The following SRRM3 variants were observed in gnomAD, a reference collection of about 807,000 sequenced individuals.
The protein encoded by SRRM3 is serine/arginine repetitive matrix protein 3.
SRRM3 carries 27 observed loss-of-function variants against 66.2 expected under a neutral mutation model. That is an observed-to-expected ratio of 0.41 (90% CI 0.30 to 0.56). SRRM3 has a LOEUF of 0.56. SRRM3 is among the 20% of genes least tolerant of loss of function. SRRM3 has a pLI of 0.32. For synonymous variants in SRRM3, 391 were observed against 414.9 expected, an observed-to-expected ratio of 0.94 and a Z score of 0.70; for missense variants, 918 against 991.9, an observed-to-expected ratio of 0.93 and a Z score of 1.00.
chr7:76,268,127 C>T (rs1454121107), intron 11 of SRRM3: 1 of 151,938 alleles, frequency 6.6e-6, no homozygotes, highest in Non-Finnish European at 1.5e-5. Flanking sequence ...TCAGAGACCC[C>T]ACACCAACAC....
At chr7:76,275,895 C>CT (rs1554611060) in intron 11 of SRRM3, among the ~76,000 whole-genome samples, 98 of 152,048 alleles carry the variant, frequency 6.4e-4, no homozygotes, top group African/African-American at 2.3e-3. Context: ...AGCAACACAG[C>CT]AAGACCCCAT....
At chr7:76,267,512 G>T (rs1053318078) in intron 11 of SRRM3, 77 bp downstream of exon 11, 83 of 1,024,918 alleles carry the variant, frequency 8.1e-5, no homozygotes, top group Non-Finnish European at 1.0e-4. Context: ...CGCCAGCGGG[G>T]CAGGGGGCGA....
At chr7:76,238,239 G>A (rs558174755) in intron 2 of SRRM3, among the ~76,000 whole-genome samples, 33 of 152,272 alleles carry the variant, frequency 2.2e-4, no homozygotes, top group Non-Finnish European at 3.8e-4. Flanking sequence ...AGAGTCCTCC[G>A]TTGAAGACAC....
At chr7:76,216,295 C>T (rs1800569304) in intron 1 of SRRM3, among the ~76,000 whole-genome samples, 1 of 152,064 alleles carries the variant, frequency 6.6e-6, no homozygotes, top group Admixed American at 6.5e-5. Context: ...AGTCTTCCCA[C>T]CTCGGCCTCC....
intron 1 of SRRM3, among the ~76,000 whole-genome samples, chr7:76,203,716 A>G (rs1479051851): frequency 2.6e-5 from 4 of 152,186 alleles, no homozygotes; most frequent in Non-Finnish European, 5.9e-5. Flanking sequence ...TCCCTATTTC[A>G]TAGCTGAGAA....
chr7:76,284,497 G>A (rs111332476), intron 14 of SRRM3, among the ~76,000 whole-genome samples: 112 of 152,178 alleles, frequency 7.4e-4, no homozygotes, highest in African/African-American at 2.6e-3. Flanking sequence ...TACTTCTAAC[G>A]GATGTCCTCT....
chr7:76,284,877 G>A (rs1802616519), intron 14 of SRRM3, among the ~76,000 whole-genome samples: 1 of 152,160 alleles, frequency 6.6e-6, no homozygotes, highest in Admixed American at 6.5e-5. Context: ...GACTGGACCG[G>A]ACCGTGGGCA....
At chr7:76,204,057 G>A (rs1225285276) in intron 1 of SRRM3, among the ~76,000 whole-genome samples, 3 of 152,112 alleles carry the variant, frequency 2.0e-5, no homozygotes, top group East Asian at 1.9e-4. Context: ...TGCTGCACCC[G>A]TTCTGCACCT....
intron 1 of SRRM3, among the ~76,000 whole-genome samples, chr7:76,227,890 G>T (rs565987478): frequency 6.6e-6 from 1 of 152,174 alleles, no homozygotes; most frequent in South Asian, 2.1e-4. Flanking sequence ...TGTTTTTTGA[G>T]ACGAAATCTC....
At chr7:76,275,439 T>A (rs782740276) in intron 11 of SRRM3, among the ~76,000 whole-genome samples, 6 of 142,902 alleles carry the variant, frequency 4.2e-5, no homozygotes, top group African/African-American at 1.6e-4. Flanking sequence ...CAGTGAACCA[T>A]GACTGCACCA....
chr7:76,211,066 C>G (rs1410937281), intron 1 of SRRM3, among the ~76,000 whole-genome samples: 1 of 152,182 alleles, frequency 6.6e-6, no homozygotes, highest in Non-Finnish European at 1.5e-5. Context: ...CCCACCTCAG[C>G]CTCCCAAAGT....
intron 2 of SRRM3, among the ~76,000 whole-genome samples, chr7:76,243,382 C>A (rs1244418846): frequency 6.6e-6 from 1 of 152,150 alleles, no homozygotes. Context: ...AGACCAATCA[C>A]CAGGTGTCAT....
intron 2 of SRRM3, among the ~76,000 whole-genome samples, chr7:76,245,558 C>T (rs782635652): frequency 3.3e-5 from 5 of 152,250 alleles, no homozygotes; most frequent in Non-Finnish European, 5.9e-5. Flanking sequence ...GTATCCATCC[C>T]CTCAAGCATT....
chr7:76,255,549 T>C (rs73138095), intron 3 of SRRM3, among the ~76,000 whole-genome samples: 35,747 of 152,052 alleles, frequency 0.24, 4,522 homozygotes, highest in East Asian at 0.45. Flanking sequence ...TCAAGCCATC[T>C]TCTGGCCCCA....
intron 2 of SRRM3, among the ~76,000 whole-genome samples, chr7:76,244,261 A>G (rs1469064451): frequency 6.6e-6 from 1 of 152,176 alleles, no homozygotes; most frequent in African/African-American, 2.4e-5. Flanking sequence ...ACAGTGGAAC[A>G]TGCCTGTAAT....
intron 1 of SRRM3, among the ~76,000 whole-genome samples, chr7:76,208,345 A>C (rs1800348518): frequency 6.6e-6 from 1 of 152,000 alleles, no homozygotes; most frequent in Non-Finnish European, 1.5e-5. Flanking sequence ...CCTCCAGATG[A>C]TACTAGAAGT....
At chr7:76,259,396 T>G (rs1163356112) in intron 3 of SRRM3, among the ~76,000 whole-genome samples, 1 of 151,530 alleles carries the variant, frequency 6.6e-6, no homozygotes, top group Non-Finnish European at 1.5e-5. Flanking sequence ...CTGAGCAACA[T>G]AGTGAGACCC....
At chr7:76,252,158 G>A (rs1222368906) in intron 3 of SRRM3, among the ~76,000 whole-genome samples, 6 of 152,142 alleles carry the variant, frequency 3.9e-5, no homozygotes, top group African/African-American at 1.2e-4. Flanking sequence ...GACTCAGAGA[G>A]CACACACCCA....
Position 76,265,503 on chromosome 7 carries a change from G to A in SRRM3, c.830+35G>A, listed in dbSNP as rs782423682. The A allele has an allele frequency of 3.9e-6, 6 of 1,547,192 alleles. No individual in the cohort carries two copies. The South Asian group carries it at 4.7e-5, about 12-fold the overall frequency. On this transcript the variant is annotated intron_variant, in intron 10 of 14. Coordinates refer to ENST00000611745, the MANE Select transcript of SRRM3 (RefSeq NM_001110199.3). The stretch of plus-strand genomic sequence containing the variant: ...GGCCTCTGGGAGGCTTTCTCCTGGT[G>A]GGGGATGAGGGTTGCAGATTAAACA...
Sources: allele counts gnomAD v4.1 joint callset (sites outside exome capture counted in the v4.1 genomes callset), GRCh38; gene constraint gnomAD v4.1.1; transcripts MANE v1.5; gene names NCBI Gene and HGNC (gene_info 2026-07-23, HGNC 2026-07-21).